The following CLASP1 variants were observed in gnomAD, a reference collection of about 807,000 sequenced individuals.
CLASP1 encodes the protein cytoplasmic linker associated protein 1.
In CLASP1, 38 loss-of-function variants were observed where a neutral mutation model predicts 192.3. That is an observed-to-expected ratio of 0.20 (90% CI 0.15 to 0.26). The LOEUF (loss-of-function observed/expected upper bound fraction) is 0.26. Ranked by LOEUF, CLASP1 falls within the 10% of genes least tolerant of loss-of-function variation. CLASP1 has a pLI of 1.00. For synonymous variants in CLASP1, 691 were observed against 712.8 expected (o/e 0.97, Z 0.49); for missense variants, 1,433 against 1,932.5 (o/e 0.74, Z 4.85).
intron 11 of CLASP1, 100 bp downstream of exon 11, chr2:121,461,001 T>C: frequency 1.4e-6 from 1 of 699,932 alleles, no homozygotes; most frequent in Non-Finnish European, 2.4e-6. Flanking sequence ...AAATATGTAC[T>C]ATTTAGAATT....
chr2:121,530,098 G>A (rs541318494), intron 3 of CLASP1, 149 bp downstream of exon 3: 14 of 654,230 alleles, frequency 2.1e-5, no homozygotes, highest in African/African-American at 1.6e-4. Context: ...GGGAGGGCGG[G>A]GACTGGCTGT....
chr2:121,498,262 A>G (rs2093615339), intron 8 of CLASP1, among the ~76,000 whole-genome samples: 1 of 146,218 alleles, frequency 6.8e-6, no homozygotes, highest in Admixed American at 6.8e-5. Context: ...CAGTGGTACA[A>G]TCTCAGCTCA....
In CLASP1 at chr2:121,574,451, G is replaced by A. The variant is rs184334575; in HGVS notation, c.195+31250C>T. Among the ~76,000 whole-genome samples the A allele has an allele frequency of 4.9e-3, 746 of 150,928 alleles. 9 individuals carry two copies. The highest frequency in any genetic ancestry group is 0.018 in the African/African-American group (722 of 41,142). ...GGAGTTCCAGACCAGCCTGGCCAAC[G>A]TGGTGAAACCCTGTCTCCACTAAAA... On this transcript the variant is annotated intron_variant, in intron 2 of 39. Coordinates refer to ENST00000263710, the Ensembl canonical transcript of CLASP1.
intron 2 of CLASP1, chr2:121,530,950 A>T (rs183655165): frequency 5.7e-6 from 4 of 700,388 alleles, no homozygotes; most frequent in South Asian, 1.5e-5. Context: ...CTAACGCCTG[A>T]ACAACACACC....
intron 19 of CLASP1, among the ~76,000 whole-genome samples, chr2:121,439,036 A>G (rs1305251234): frequency 2.0e-5 from 3 of 149,740 alleles, no homozygotes; most frequent in Non-Finnish European, 3.0e-5. Flanking sequence ...CAGAGATTCA[A>G]CTTCTTCCTG....
Position 121,546,898 on chromosome 2 carries a change from C to G in CLASP1, c.196-16573G>C, listed in dbSNP as rs572253116. On this transcript the variant is annotated intron_variant, in intron 2 of 39. Transcript: ENST00000263710. The stretch of plus-strand genomic sequence containing the variant: ...ATCCCATTCCTCTTCAGGGGATGGG[C>G]CCTCCCAACTGAGGTCTCCAACCAC... Among the ~76,000 whole-genome samples the G allele has an allele frequency of 3.9e-5, 6 of 152,268 alleles. No homozygotes were observed. The South Asian group carries it at 1.2e-3, about 32-fold the overall frequency.
chr2:121,440,023 C>T (rs999485450), intron 19 of CLASP1, among the ~76,000 whole-genome samples: 6 of 145,074 alleles, frequency 4.1e-5, no homozygotes, highest in Non-Finnish European at 7.5e-5. Flanking sequence ...GCATGGCACA[C>T]GTATACATAT....
intron 2 of CLASP1, among the ~76,000 whole-genome samples, chr2:121,602,794 T>C (rs1403524553): frequency 6.6e-6 from 1 of 152,040 alleles, no homozygotes; most frequent in Non-Finnish European, 1.5e-5. Context: ...TCTCACCCTA[T>C]AGAAAAATCA....
intron 1 of CLASP1, among the ~76,000 whole-genome samples, chr2:121,635,118 G>T (rs1336498560): frequency 6.6e-6 from 1 of 151,394 alleles, no homozygotes. Flanking sequence ...GAAGAGGGAG[G>T]ATCACTTGAA....
intron 34 of CLASP1, among the ~76,000 whole-genome samples, chr2:121,373,510 G>A (rs1039699619): frequency 1.3e-5 from 2 of 152,208 alleles, no homozygotes; most frequent in Middle Eastern, 3.2e-3. Flanking sequence ...GACAGAGGCT[G>A]GAACAATTTG....
intron 1 of CLASP1, among the ~76,000 whole-genome samples, chr2:121,632,615 C>T (rs1010510543): frequency 2.6e-5 from 4 of 151,804 alleles, no homozygotes; most frequent in Non-Finnish European, 5.9e-5. Context: ...AAGTAAAATG[C>T]GCTGGACGCG....
intron 9 of CLASP1, 33 bp downstream of exon 9, chr2:121,469,775 G>A (rs768203907): frequency 2.3e-5 from 36 of 1,576,178 alleles, no homozygotes; most frequent in Non-Finnish European, 2.6e-5. Context: ...TGGCATAGCT[G>A]ACCCCAGAAC....
chr2:121,524,360 A>T (rs930469033), intron 6 of CLASP1, among the ~76,000 whole-genome samples: 3 of 152,238 alleles, frequency 2.0e-5, no homozygotes, highest in Admixed American at 6.5e-5. Context: ...GAATCTTTTT[A>T]AAAAATAGTA....
chr2:121,478,621 A>AC (rs1559364618), intron 8 of CLASP1, among the ~76,000 whole-genome samples: 3 of 132,404 alleles, frequency 2.3e-5, no homozygotes, highest in African/African-American at 9.2e-5. Flanking sequence ...CACACACCAC[A>AC]CACACACATA....
intron 15 of CLASP1, among the ~76,000 whole-genome samples, chr2:121,451,440 G>A (rs2085454663): frequency 6.6e-6 from 1 of 152,196 alleles, no homozygotes; most frequent in Admixed American, 6.5e-5. Context: ...ACTTTCAAAT[G>A]AGTGAAATTC....
chr2:121,416,274 C>G (rs1263491460), intron 23 of CLASP1, among the ~76,000 whole-genome samples: 1 of 152,196 alleles, frequency 6.6e-6, no homozygotes, highest in Non-Finnish European at 1.5e-5. Context: ...TAATTTATAG[C>G]AGCCCTAGAG....
chr2:121,347,208 T>C (rs561984979), intron 38 of CLASP1, 54 bp from the exon 40 acceptor site: 24 of 1,211,692 alleles, frequency 2.0e-5, no homozygotes, highest in East Asian at 2.5e-5. Flanking sequence ...ATTCATTCCA[T>C]AGCCAACATC....
intron 7 of CLASP1, among the ~76,000 whole-genome samples, chr2:121,508,589 T>C (rs2094015076): frequency 6.6e-6 from 1 of 152,106 alleles, no homozygotes. Flanking sequence ...AGACTCAACT[T>C]TATAGTGTCT....
chr2:121,561,384 C>G (rs527715484), intron 2 of CLASP1, among the ~76,000 whole-genome samples: 1 of 152,320 alleles, frequency 6.6e-6, no homozygotes, highest in African/African-American at 2.4e-5. Context: ...TTTCTTTTCT[C>G]TTACCTTAAA....
Sources: allele counts gnomAD v4.1 joint callset (sites outside exome capture counted in the v4.1 genomes callset), GRCh38; gene constraint gnomAD v4.1.1; transcripts MANE v1.5; gene names NCBI Gene and HGNC (gene_info 2026-07-23, HGNC 2026-07-21).